Variants in AK5 observed in about 807,000 individuals in gnomAD.
AK5 encodes adenylate kinase 5.
Under a neutral mutation model 69.5 loss-of-function variants are expected in AK5, and 27 were observed. The ratio of observed to expected loss-of-function variants is 0.39; its 90% CI spans 0.29 to 0.54. The LOEUF is 0.54. Among genes scored for constraint, AK5 ranks in the 20% least tolerant of loss-of-function variants. The probability of loss-of-function intolerance (pLI) is 0.71; values close to 1 mark genes in which losing one functional copy is unlikely to be tolerated. For synonymous variants in AK5, 260 were observed against 244.4 expected (o/e 1.06, Z -0.60); for missense variants, 531 against 700.4 (o/e 0.76, Z 2.73).
At position 77,282,140 on chromosome 1, in the gene AK5, G is replaced by A. The variant is rs75961421; in HGVS notation, c.-174G>A. On this transcript the variant is annotated 5_prime_UTR_variant, in exon 1 of 14. Coordinates refer to ENST00000354567, the MANE Select transcript of AK5 (RefSeq NM_174858.3). ...GAGCGCGGAGACCACAGCCCCCGGG[G>A]AGAGGCGGAGGGGGTCCCTGGCCTG... The A allele has an allele frequency of 2.4e-3, 1,157 of 491,844 alleles. 23 individuals carry two copies. The highest frequency in any genetic ancestry group is 0.021 in the African/African-American group (1,052 of 49,330). 30.5% of individuals were successfully genotyped at this position (491,844 alleles called of 1,614,324 possible).
chr1:77,297,357 C>T (rs905494300), intron 3 of AK5, among the ~76,000 whole-genome samples: 4 of 152,116 alleles, frequency 2.6e-5, no homozygotes, highest in African/African-American at 9.7e-5. Context: ...TCATTTAATA[C>T]AGTTGGTCAA....
At chr1:77,360,007 A>G (rs1046408713) in intron 6 of AK5, among the ~76,000 whole-genome samples, 3 of 152,218 alleles carry the variant, frequency 2.0e-5, no homozygotes, top group African/African-American at 4.8e-5. Flanking sequence ...ACTCAGAAGA[A>G]GATGAAGAAT....
chr1:77,412,377 C>T (rs964153362), intron 7 of AK5, among the ~76,000 whole-genome samples: 2 of 152,180 alleles, frequency 1.3e-5, no homozygotes, highest in African/African-American at 4.8e-5. Flanking sequence ...CTACTTTCTC[C>T]TCTCTGTACC....
intron 8 of AK5, among the ~76,000 whole-genome samples, chr1:77,453,333 T>C (rs939774086): frequency 1.3e-5 from 2 of 152,244 alleles, no homozygotes; most frequent in African/African-American, 4.8e-5. Flanking sequence ...ATAAATAATG[T>C]ATTTGTAATA....
intron 6 of AK5, among the ~76,000 whole-genome samples, chr1:77,382,750 T>C (rs1289378913): frequency 6.6e-6 from 1 of 152,230 alleles, no homozygotes; most frequent in Admixed American, 6.5e-5. Flanking sequence ...TTTCCTCAAC[T>C]GCTAATAAAG....
chr1:77,403,962 C>G (rs1649434112), intron 6 of AK5, among the ~76,000 whole-genome samples: 1 of 152,144 alleles, frequency 6.6e-6, no homozygotes, highest in South Asian at 2.1e-4. Flanking sequence ...TTTGTATCCT[C>G]TTTTATTTCG....
chr1:77,483,170 T>C, intron 8 of AK5, 147 bp from the exon 9 acceptor site: 1 of 646,058 alleles, frequency 1.5e-6, no homozygotes, highest in Non-Finnish European at 2.8e-6. Flanking sequence ...CTCAGTGTCT[T>C]TGTCTGTAAA....
intron 6 of AK5, among the ~76,000 whole-genome samples, chr1:77,382,683 TATCCCACCAACC>T (rs2100506151): frequency 6.6e-6 from 1 of 152,322 alleles, no homozygotes; most frequent in South Asian, 2.1e-4. Context: ...TATTCTATTT[TATCCCACCAACC>T]ATCTGTGGAT....
intron 13 of AK5, among the ~76,000 whole-genome samples, chr1:77,545,864 G>T (rs1659520195): frequency 6.6e-6 from 1 of 152,190 alleles, no homozygotes; most frequent in South Asian, 2.1e-4. Flanking sequence ...GTGCAGTGAA[G>T]AGAAAGGTGT....
intron 12 of AK5, among the ~76,000 whole-genome samples, chr1:77,523,040 T>C (rs897505674): frequency 1.3e-5 from 2 of 152,086 alleles, no homozygotes; most frequent in African/African-American, 4.8e-5. Flanking sequence ...AGGACTAAGA[T>C]TTTGCGGGAC....
intron 6 of AK5, among the ~76,000 whole-genome samples, chr1:77,363,277 T>C (rs1646896433): frequency 6.6e-6 from 1 of 152,118 alleles, no homozygotes; most frequent in Non-Finnish European, 1.5e-5. Context: ...TTTCAATAAG[T>C]CCTACTGGTT....
chr1:77,355,450 C>G (rs568239478), intron 6 of AK5, among the ~76,000 whole-genome samples: 64 of 152,252 alleles, frequency 4.2e-4, no homozygotes, highest in African/African-American at 1.5e-3. Flanking sequence ...CTTCAGTTAT[C>G]TCAAATTTTC....
At chr1:77,332,025 C>G (rs12071077) in intron 5 of AK5, among the ~76,000 whole-genome samples, 15,175 of 152,122 alleles carry the variant, frequency 0.1, 952 homozygotes, top group East Asian at 0.2. Flanking sequence ...GCAGCCTTGA[C>G]TTCCCCAGGC....
intron 5 of AK5, among the ~76,000 whole-genome samples, chr1:77,307,810 A>G (rs1396224224): frequency 6.6e-6 from 1 of 152,204 alleles, no homozygotes; most frequent in Non-Finnish European, 1.5e-5. Context: ...GGCATCTGCA[A>G]TTTAGGACTG....
At chr1:77,320,580 C>CTTT (rs1477120504) in intron 5 of AK5, among the ~76,000 whole-genome samples, 1 of 152,056 alleles carries the variant, frequency 6.6e-6, no homozygotes, top group Non-Finnish European at 1.5e-5. Context: ...GAAACCCCAT[C>CTTT]TCTACTAAAA....
intron 6 of AK5, 67 bp from the exon 7 acceptor site, chr1:77,410,914 T>A: frequency 1.6e-6 from 2 of 1,240,234 alleles, no homozygotes; most frequent in Non-Finnish European, 2.3e-6. Flanking sequence ...GGATGCTCAT[T>A]ATATTTTTGA....
chr1:77,496,821 G>C (rs564980837), intron 10 of AK5, among the ~76,000 whole-genome samples: 1 of 151,938 alleles, frequency 6.6e-6, no homozygotes, highest in Non-Finnish European at 1.5e-5. Context: ...TGCACCAATC[G>C]GCATTCTGTA....
At chr1:77,509,846 T>G (rs1260620667) in intron 10 of AK5, among the ~76,000 whole-genome samples, 1 of 152,220 alleles carries the variant, frequency 6.6e-6, no homozygotes, top group Non-Finnish European at 1.5e-5. Context: ...CTTTTAAACA[T>G]CACCAACAGT....
intron 6 of AK5, among the ~76,000 whole-genome samples, chr1:77,377,385 C>G (rs888710533): frequency 2.6e-4 from 40 of 152,192 alleles, no homozygotes; most frequent in African/African-American, 9.6e-4. Context: ...CTAGACCACC[C>G]TCTCTCACTT....
Sources: gnomAD v4.1 joint callset for allele counts (sites outside exome capture counted in the v4.1 genomes callset) on GRCh38, gnomAD v4.1.1 for gene constraint, MANE v1.5 for transcripts, NCBI Gene and HGNC (gene_info 2026-07-23, HGNC 2026-07-21) for gene names.